The following GUCY2C variants were observed in gnomAD, a reference collection of about 807,000 sequenced individuals.
The protein encoded by GUCY2C is guanylyl cyclase C.
Under a neutral mutation model 131.1 loss-of-function variants are expected in GUCY2C, and 118 were observed. The observed-to-expected ratio is 0.90, with a 90% CI of 0.78 to 1.05. The LOEUF (loss-of-function observed/expected upper bound fraction) is 1.05. GUCY2C is among the 50% of genes least tolerant of loss of function. GUCY2C has a pLI of 0.00. For synonymous variants in GUCY2C, 452 were observed against 457.8 expected (o/e 0.99, Z 0.16); for missense variants, 1,161 against 1,304.4 (o/e 0.89, Z 1.69).
intron 3 of GUCY2C, among the ~76,000 whole-genome samples, chr12:14,684,021 A>G (rs560057425): frequency 6.6e-6 from 1 of 152,084 alleles, no homozygotes; most frequent in African/African-American, 2.4e-5. Context: ...CTTCTTCCTA[A>G]TCCAGGCCCT....
At chr12:14,658,219 C>CT (rs1480254597) in intron 11 of GUCY2C, among the ~76,000 whole-genome samples, 5 of 152,008 alleles carry the variant, frequency 3.3e-5, no homozygotes, top group African/African-American at 1.2e-4. Context: ...GAAATAAATC[C>CT]TTTGTCCCTT....
chr12:14,650,032 A>G (rs1947610379), intron 15 of GUCY2C, among the ~76,000 whole-genome samples: 1 of 152,096 alleles, frequency 6.6e-6, no homozygotes, highest in African/African-American at 2.4e-5. Flanking sequence ...TTTATTCCCA[A>G]TTTCGTGTAT....
intron 15 of GUCY2C, among the ~76,000 whole-genome samples, chr12:14,650,445 A>C (rs1592112012): frequency 6.6e-6 from 1 of 152,100 alleles, no homozygotes; most frequent in African/African-American, 2.4e-5. Flanking sequence ...ATGGGGTTTC[A>C]CCGTGTTGGC....
chr12:14,616,416 G>A (rs941015289), intron 25 of GUCY2C, among the ~76,000 whole-genome samples: 9 of 152,138 alleles, frequency 5.9e-5, no homozygotes, highest in Non-Finnish European at 1.0e-4. Context: ...AGGAAATGCT[G>A]GCAGAGTTCA....
Position 14,681,462 on chromosome 12 carries a change from C to G in GUCY2C, c.627G>C (p.Leu209=). 1 of 1,602,966 alleles carries G rather than the reference C, an allele frequency of 6.2e-7. No individual in the cohort carries two copies. The highest frequency in any genetic ancestry group is 8.5e-7 in the Non-Finnish European group (1 of 1,175,898). ...GGGAGAAATAGGAAACGCTAGCCTC[C>G]AGAGCATTAAGGTACCTGGAATAGG... The part of the protein sequence containing the change: ...TEDCFWYLNA[L]EASVSYFSHE... Residue 209 remains leucine (L), a synonymous_variant, in exon 5 of 27, where the codon CTG becomes CTC. Coordinates refer to ENST00000261170, the MANE Select transcript of GUCY2C (RefSeq NM_004963.4).
chr12:14,676,414 T>C (rs942915044), intron 7 of GUCY2C, among the ~76,000 whole-genome samples: 8 of 152,244 alleles, frequency 5.3e-5, no homozygotes, highest in Admixed American at 6.5e-5. Context: ...CCTAGGAATA[T>C]ACATTTCTAA....
At chr12:14,633,217 C>T (rs1045400129) in intron 19 of GUCY2C, among the ~76,000 whole-genome samples, 3 of 152,162 alleles carry the variant, frequency 2.0e-5, no homozygotes, top group Non-Finnish European at 4.4e-5. Context: ...CCCTGAGGAC[C>T]AGCCCACCTG....
Position 14,651,397 on chromosome 12 carries a change from G to A in GUCY2C, c.1710+10C>T. 1.6e-6 allele frequency: 2 copies of A among 1,269,266 alleles called. No homozygotes were observed. Among genetic ancestry groups the A allele is most frequent in the Non-Finnish European group, 2.3e-6 (2 of 871,562 alleles). 78.6% of individuals were successfully genotyped at this position (1,269,266 alleles called of 1,614,324 possible). ...TGATTAGAAAATTGGAAATGACCAT[G>A]GTTTCTTACCCGGAGGGATCCTCTC... On this transcript the variant is annotated intron_variant, in intron 15 of 26. Coordinates refer to ENST00000261170, the MANE Select transcript of GUCY2C (RefSeq NM_004963.4).
intron 24 of GUCY2C, 86 bp downstream of exon 24, chr12:14,619,125 C>T (rs1946841748): frequency 1.4e-6 from 1 of 732,742 alleles, no homozygotes. Context: ...CACTTTGTAT[C>T]TCCTTATTGT....
At chr12:14,643,819 A>T in intron 16 of GUCY2C, 113 bp from the exon 17 acceptor site, 1 of 894,704 alleles carries the variant, frequency 1.1e-6, no homozygotes, top group Non-Finnish European at 1.8e-6. Context: ...TCACACCATC[A>T]GATTTTAATT....
At chr12:14,684,961 G>T (rs1948443230) in intron 3 of GUCY2C, among the ~76,000 whole-genome samples, 1 of 152,096 alleles carries the variant, frequency 6.6e-6, no homozygotes, top group South Asian at 2.1e-4. Context: ...ACAGGCTGGT[G>T]CCACTGATCC....
At chr12:14,653,121 A>G (rs1947699731) in intron 12 of GUCY2C, 107 bp from the exon 13 acceptor site, 1 of 839,576 alleles carries the variant, frequency 1.2e-6, no homozygotes, top group Non-Finnish European at 2.1e-6. Context: ...TGTTTCCTCA[A>G]TAACATGCTG....
chr12:14,656,978 G>A (rs1197896666), intron 11 of GUCY2C, among the ~76,000 whole-genome samples: 3 of 152,136 alleles, frequency 2.0e-5, no homozygotes, highest in African/African-American at 7.2e-5. Context: ...CCCTGCATGC[G>A]CAGTTCACAG....
At chr12:14,647,315 C>A (rs1024032218) in intron 15 of GUCY2C, among the ~76,000 whole-genome samples, 1 of 152,024 alleles carries the variant, frequency 6.6e-6, no homozygotes, top group African/African-American at 2.4e-5. Context: ...TATTATTGCT[C>A]ATATATATAT....
intron 19 of GUCY2C, among the ~76,000 whole-genome samples, chr12:14,630,108 T>A (rs1007485765): frequency 1.7e-4 from 26 of 151,896 alleles, no homozygotes; most frequent in African/African-American, 6.3e-4. Flanking sequence ...TTTTTTTTTT[T>A]TAAATCAAAA....
intron 18 of GUCY2C, 116 bp downstream of exon 18, chr12:14,640,966 T>C: frequency 1.0e-5 from 9 of 884,480 alleles, no homozygotes; most frequent in South Asian, 3.3e-5. Flanking sequence ...TGGGAAATCA[T>C]TAATTTTGCA....
chr12:14,619,293 T>G lies in GUCY2C; in HGVS notation c.2793A>C (p.Gly931=). 1 of 1,610,068 alleles carries G rather than the reference T, an allele frequency of 6.2e-7. No homozygotes were observed. The highest frequency in any genetic ancestry group is 8.5e-7 in the Non-Finnish European group (1 of 1,176,538). Residue 931 remains glycine (G), a synonymous_variant, in exon 24 of 27, where the codon GGA becomes GGC. Coordinates refer to ENST00000261170, the MANE Select transcript of GUCY2C (RefSeq NM_004963.4). ...AACGAGGCATCTTGATTCCCACAACTCCAGCAGCACAGGGACCTGAAATGA... is the reference window on the plus strand; with the variant it reads ...AACGAGGCATCTTGATTCCCACAACGCCAGCAGCACAGGGACCTGAAATGA... ...IGVHSGPCAA[G]VVGIKMPRYC...
chr12:14,641,282 C>G (rs765667217), intron 17 of GUCY2C, 63 bp from the exon 18 acceptor site: 1 of 1,508,614 alleles, frequency 6.6e-7, no homozygotes, highest in Admixed American at 1.7e-5. Context: ...GGCCTCCAAC[C>G]TGCTTTTGCT....
At chr12:14,671,032 A>G (rs1399389587) in intron 9 of GUCY2C, among the ~76,000 whole-genome samples, 2 of 151,754 alleles carry the variant, frequency 1.3e-5, no homozygotes, top group East Asian at 4.0e-4. Flanking sequence ...AGCATGGGAA[A>G]GACCAGCCCC....
Sources: allele counts gnomAD v4.1 joint callset (sites outside exome capture counted in the v4.1 genomes callset), GRCh38; gene constraint gnomAD v4.1.1; transcripts MANE v1.5; gene names NCBI Gene and HGNC (gene_info 2026-07-23, HGNC 2026-07-21).